The following STARD13 variants were observed in gnomAD, a reference collection of about 807,000 sequenced individuals.
STARD13 encodes the protein StAR related lipid transfer domain containing 13, also known as stAR-related lipid transfer protein 13.
STARD13 carries 62 observed loss-of-function variants against 106.4 expected under a neutral mutation model. The observed-to-expected ratio is 0.58, with a 90% CI of 0.48 to 0.72. STARD13 has a LOEUF of 0.72. STARD13 is among the 30% of genes least tolerant of loss of function. STARD13 has a pLI of 0.00. For missense variants in STARD13, 1,387 were observed against 1,424.0 expected, an observed-to-expected ratio of 0.97 and a Z score of 0.42; for synonymous variants, 565 against 553.0, an observed-to-expected ratio of 1.02 and a Z score of -0.31.
chr13:33,370,073 G>A, the STARD13 span, among the ~76,000 whole-genome samples: 1 of 152,074 alleles, frequency 6.6e-6, no homozygotes, highest in African/African-American at 2.4e-5. Context: ...AGCTTCTCTG[G>A]TGTTTCTGCT....
chr13:33,530,121 T>C, the STARD13 span, among the ~76,000 whole-genome samples: 3 of 113,600 alleles, frequency 2.6e-5, no homozygotes, highest in Non-Finnish European at 5.6e-5. Flanking sequence ...CTACTCATGT[T>C]TTTTTTTTTT....
At chr13:33,205,346 G>C (rs1374867014) in intron 1 of STARD13, among the ~76,000 whole-genome samples, 3 of 152,188 alleles carry the variant, frequency 2.0e-5, no homozygotes, top group Non-Finnish European at 4.4e-5. Flanking sequence ...CTCGTAGGAA[G>C]TCCAGGTCAT....
the STARD13 span, among the ~76,000 whole-genome samples, chr13:33,379,009 C>T: frequency 6.6e-6 from 1 of 151,978 alleles, no homozygotes; most frequent in African/African-American, 2.4e-5. Flanking sequence ...ACCAGGGAGG[C>T]TGAGGTGAGA....
chr13:33,267,254 T>C (rs1890941999), intron 1 of STARD13, among the ~76,000 whole-genome samples: 1 of 152,160 alleles, frequency 6.6e-6, no homozygotes, highest in Non-Finnish European at 1.5e-5. Context: ...CAAAAACTGA[T>C]GAAGTCATAA....
At chr13:33,325,047 C>CATAT (rs71071091) in intron 1 of STARD13, among the ~76,000 whole-genome samples, 2,001 of 150,772 alleles carry the variant, frequency 0.013, 31 homozygotes, top group African/African-American at 0.033. Context: ...TGCATGTGTG[C>CATAT]ATATATATAT....
At chr13:33,250,794 T>G (rs1890059738) in intron 1 of STARD13, among the ~76,000 whole-genome samples, 1 of 152,244 alleles carries the variant, frequency 6.6e-6, no homozygotes, top group African/African-American at 2.4e-5. Context: ...CCAGATGTCT[T>G]GCCCCTCCTC....
the STARD13 span, among the ~76,000 whole-genome samples, chr13:33,475,039 G>A: frequency 2.3e-4 from 35 of 152,228 alleles, no homozygotes; most frequent in African/African-American, 7.0e-4. Flanking sequence ...AAAGGGATAC[G>A]TGCTTATAGG....
At chr13:33,221,452 A>G (rs1238531706) in intron 1 of STARD13, among the ~76,000 whole-genome samples, 1 of 152,218 alleles carries the variant, frequency 6.6e-6, no homozygotes. Flanking sequence ...TTTGCAACTT[A>G]TGAGAACTGC....
At chr13:33,349,505 A>T (rs2078050896) in intron 1 of STARD13, among the ~76,000 whole-genome samples, 1 of 152,206 alleles carries the variant, frequency 6.6e-6, no homozygotes, top group African/African-American at 2.4e-5. Flanking sequence ...AGAGGGCTCC[A>T]TGGAGCATGC....
the STARD13 span, among the ~76,000 whole-genome samples, chr13:33,484,017 G>T: frequency 6.6e-6 from 1 of 152,172 alleles, no homozygotes; most frequent in Admixed American, 6.5e-5. Context: ...CCAATACGGT[G>T]GGTTCAATAA....
At chr13:33,136,014 C>T (rs747736996) in intron 4 of STARD13, among the ~76,000 whole-genome samples, 14 of 151,856 alleles carry the variant, frequency 9.2e-5, no homozygotes, top group East Asian at 1.9e-4. Context: ...CACAGCTACT[C>T]GGGAGGCTGA....
chr13:33,640,447 C>T, the STARD13 span, among the ~76,000 whole-genome samples: 6 of 152,140 alleles, frequency 3.9e-5, no homozygotes, highest in East Asian at 9.6e-4. Flanking sequence ...GTATTCTCTT[C>T]CCTCTTCACT....
At chr13:33,536,975 T>C in the STARD13 span, among the ~76,000 whole-genome samples, 1 of 152,258 alleles carries the variant, frequency 6.6e-6, no homozygotes, top group African/African-American at 2.4e-5. Context: ...TTATTCCACA[T>C]TAAATAAACT....
At chr13:33,489,586 A>T in the STARD13 span, among the ~76,000 whole-genome samples, 1 of 152,240 alleles carries the variant, frequency 6.6e-6, no homozygotes, top group East Asian at 1.9e-4. Flanking sequence ...AAAACAATGT[A>T]CCTATTAAAA....
chr13:33,305,966 G>GA (rs1330347561), intron 1 of STARD13, among the ~76,000 whole-genome samples: 5 of 152,262 alleles, frequency 3.3e-5, no homozygotes, highest in South Asian at 4.1e-4. Flanking sequence ...CACAGAATTA[G>GA]AAAAAACTGC....
exon 2 of STARD13, chr13:33,348,872 G>A (rs373627492): frequency 6.5e-5 from 27 of 418,188 alleles, no homozygotes; most frequent in African/African-American, 4.9e-4. Context: ...GAGAAAATGT[G>A]GAATGAACAT....
chr13:33,200,744 G>A (rs377716015), intron 1 of STARD13, among the ~76,000 whole-genome samples: 3 of 152,304 alleles, frequency 2.0e-5, no homozygotes, highest in Admixed American at 6.5e-5. Flanking sequence ...TTAAAGGGCC[G>A]GGCATGGTGG....
the STARD13 span, among the ~76,000 whole-genome samples, chr13:33,469,002 A>G: frequency 5.6e-4 from 85 of 152,302 alleles, 1 homozygote; most frequent in African/African-American, 2.0e-3. Context: ...GCCACTACTA[A>G]CTAACAACAT....
At chr13:33,217,040 A>G (rs1342750457) in intron 1 of STARD13, among the ~76,000 whole-genome samples, 2 of 152,136 alleles carry the variant, frequency 1.3e-5, no homozygotes, top group Non-Finnish European at 2.9e-5. Context: ...TATAAACAGT[A>G]GTGGTCTTCC....
Sources: allele counts gnomAD v4.1 joint callset (sites outside exome capture counted in the v4.1 genomes callset), GRCh38; gene constraint gnomAD v4.1.1; transcripts MANE v1.5; gene names NCBI Gene and HGNC (gene_info 2026-07-23, HGNC 2026-07-21).